The following COG6 variants were observed in gnomAD, a reference collection of about 807,000 sequenced individuals.
COG6 encodes the protein conserved oligomeric Golgi complex subunit 6.
COG6 carries 74 observed loss-of-function variants against 88.8 expected under a neutral mutation model. The ratio of observed to expected loss-of-function variants is 0.83; its 90% CI spans 0.69 to 1.01. The LOEUF (loss-of-function observed/expected upper bound fraction) is 1.01. COG6 is among the 50% of genes least tolerant of loss of function. The pLI, the probability that COG6 is intolerant of heterozygous loss-of-function variation, is 0.00. For synonymous variants in COG6, 286 were observed against 278.7 expected (o/e 1.03, Z -0.26); for missense variants, 800 against 797.9 (o/e 1.00, Z -0.03).
At chr13:39,774,163 A>G (rs985843293) in intron 18 of COG6, among the ~76,000 whole-genome samples, 1 of 152,152 alleles carries the variant, frequency 6.6e-6, no homozygotes, top group African/African-American at 2.4e-5. Flanking sequence ...GCCGAAGGAA[A>G]CCTTAGTCTT....
intron 18 of COG6, among the ~76,000 whole-genome samples, chr13:39,773,735 A>G (rs535101498): frequency 1.3e-5 from 2 of 152,210 alleles, no homozygotes; most frequent in Non-Finnish European, 2.9e-5. Context: ...CCACCTCACA[A>G]TCAGCTACTT....
intron 13 of COG6, among the ~76,000 whole-genome samples, chr13:39,703,724 A>AT (rs1396076043): frequency 2.0e-5 from 3 of 151,920 alleles, no homozygotes; most frequent in African/African-American, 7.2e-5. Context: ...ATTTAGATGT[A>AT]TTTTCTTAGG....
chr13:39,698,000 C>T (rs1877370520), intron 12 of COG6, among the ~76,000 whole-genome samples: 1 of 151,674 alleles, frequency 6.6e-6, no homozygotes, highest in Non-Finnish European at 1.5e-5. Context: ...GTAGATAATA[C>T]CTAAAACTGA....
At chr13:39,781,435 C>T (rs977662316) in intron 18 of COG6, among the ~76,000 whole-genome samples, 57 of 90,386 alleles carry the variant, frequency 6.3e-4, no homozygotes, top group African/African-American at 1.5e-3. Flanking sequence ...GGAGCAAATG[C>T]GGAGGGTTTT....
At chr13:39,763,077 ATTATAT>A (rs1225332907) in intron 18 of COG6, among the ~76,000 whole-genome samples, 1 of 151,704 alleles carries the variant, frequency 6.6e-6, no homozygotes, top group African/African-American at 2.4e-5. Context: ...AATGTGATGA[ATTATAT>A]TTATAATTTT....
At chr13:39,726,615 C>G (rs550024786) in intron 17 of COG6, among the ~76,000 whole-genome samples, 1 of 152,002 alleles carries the variant, frequency 6.6e-6, no homozygotes, top group African/African-American at 2.4e-5. Context: ...CTTCCTATGG[C>G]CAGATTTAGC....
intron 12 of COG6, among the ~76,000 whole-genome samples, chr13:39,695,614 A>G (rs1350645067): frequency 6.6e-6 from 1 of 151,868 alleles, no homozygotes; most frequent in Non-Finnish European, 1.5e-5. Flanking sequence ...AGAGTACCAA[A>G]AAACTGTGGT....
Position 39,751,764 on chromosome 13 carries a change from T to C in COG6, c.*671T>C. ...ATTAGAAAAAAAGGAGAGAGAAAAG[T>C]GATTTAAACAGGGTGGATTCCACTC... is the stretch of plus-strand genomic sequence containing the variant. On this transcript the variant is annotated 3_prime_UTR_variant, in exon 19 of 19. Coordinates refer to ENST00000455146, the MANE Select transcript of COG6 (RefSeq NM_020751.3). 7.8e-7 allele frequency: 1 copy of C among 1,287,102 alleles called. No homozygotes were observed. The highest frequency in any genetic ancestry group is 1.0e-6 in the Non-Finnish European group (1 of 988,612). 79.7% of individuals were successfully genotyped at this position (1,287,102 alleles called of 1,614,324 possible). A position where few individuals can be genotyped will look rare whatever the true frequency, so the allele number is the denominator to read the frequency against.
intron 16 of COG6, 67 bp downstream of exon 16, chr13:39,723,507 G>GCACTCTGGATTCTTGGCTCTACCA (rs1364618467): frequency 2.2e-6 from 2 of 914,590 alleles, no homozygotes; most frequent in African/African-American, 3.3e-5. Context: ...TTCTAGAGCT[G>GCACTCTGGATTCTTGGCTCTACCA]CACTCTGGAT....
At chr13:39,694,798 T>G (rs1877174251) in intron 12 of COG6, 73 bp downstream of exon 12, 1 of 808,836 alleles carries the variant, frequency 1.2e-6, no homozygotes, top group Non-Finnish European at 2.1e-6. Flanking sequence ...AGTATAAGAT[T>G]TTTTTTTATA....
chr13:39,770,613 T>C (rs1306497387), intron 18 of COG6, among the ~76,000 whole-genome samples: 3 of 152,220 alleles, frequency 2.0e-5, no homozygotes, highest in Non-Finnish European at 2.9e-5. Context: ...TCATTTTTCC[T>C]TTCAGTGCTA....
chr13:39,680,039 G>A lies in COG6; in HGVS notation c.688G>A (p.Ala230Thr). 3 of 1,573,214 alleles carry A rather than the reference G, an allele frequency of 1.9e-6. No homozygotes were observed. Among genetic ancestry groups the A allele is most frequent in the Non-Finnish European group, 1.7e-6 (2 of 1,144,934 alleles). The change falls in exon 7 of 19, where the codon GCT becomes ACT. Residue 230 changes from alanine to threonine, a missense_variant. Ala to Thr is a moderately conservative substitution (Grantham distance 58). Coordinates refer to ENST00000455146, the MANE Select transcript of COG6 (RefSeq NM_020751.3). ...ETAYERLYRW[A>T]QSECRTLTQE... The stretch of plus-strand genomic sequence containing the variant: ...GGCTTATGAAAGACTTTACCGATGG[G>A]CTCAAAGTAAGTGATTTCTTTTATG...
chr13:39,749,289 A>C (rs1880501654), intron 18 of COG6, among the ~76,000 whole-genome samples: 1 of 152,220 alleles, frequency 6.6e-6, no homozygotes, highest in African/African-American at 2.4e-5. Flanking sequence ...TTGAGCATCC[A>C]TCATATTCAA....
chr13:39,663,575 G>A (rs1316374313), intron 3 of COG6, among the ~76,000 whole-genome samples: 1 of 152,132 alleles, frequency 6.6e-6, no homozygotes, highest in Non-Finnish European at 1.5e-5. Flanking sequence ...AATATTTTGG[G>A]AGCTATCATG....
chr13:39,723,225 T>TA (rs1430050184), intron 15 of COG6, 108 bp from the exon 16 acceptor site: 1 of 718,964 alleles, frequency 1.4e-6, no homozygotes, highest in African/African-American at 1.7e-5. Context: ...GAGGCTTTGT[T>TA]ACAGAGGTGA....
chr13:39,718,180 A>AT (rs1231309217), intron 13 of COG6, among the ~76,000 whole-genome samples: 3 of 151,884 alleles, frequency 2.0e-5, no homozygotes, highest in Non-Finnish European at 2.9e-5. Flanking sequence ...ATGTTTTATG[A>AT]TTTTTTTGTT....
intron 18 of COG6, among the ~76,000 whole-genome samples, chr13:39,761,099 T>C (rs1463697817): frequency 6.6e-6 from 1 of 151,956 alleles, no homozygotes; most frequent in Non-Finnish European, 1.5e-5. Flanking sequence ...ATGTATCAAT[T>C]TGAGGAGAAT....
At position 39,751,894 on chromosome 13, in the gene COG6, T is replaced by A. The variant is rs140798659; in HGVS notation, c.*801T>A. The A allele has an allele frequency of 3.9e-6, 5 of 1,275,222 alleles. No homozygotes were observed. In the African/African-American group the frequency reaches 4.6e-5, roughly 12 times the overall value. 79.0% of individuals were successfully genotyped at this position (1,275,222 alleles called of 1,614,324 possible). ...TCTAAGCCTGGTGTTTAAAGATGGG[T>A]ATTTGTCATACAATATGGGTCCTAA... On this transcript the variant is annotated 3_prime_UTR_variant, in exon 19 of 19. Transcript: ENST00000455146.
exon 19 of COG6, chr13:39,791,386 C>T (rs186117526): frequency 4.6e-5 from 7 of 152,016 alleles, no homozygotes; most frequent in Non-Finnish European, 8.8e-5. Context: ...TTCCTAATAT[C>T]GAATGATCTA....
Sources: gnomAD v4.1 joint callset for allele counts (sites outside exome capture counted in the v4.1 genomes callset) on GRCh38, gnomAD v4.1.1 for gene constraint, MANE v1.5 for transcripts, NCBI Gene and HGNC (gene_info 2026-07-23, HGNC 2026-07-21) for gene names.